L3MBTL4: variants seen among roughly 807,000 people sequenced by gnomAD.
L3MBTL4 encodes the protein lethal(3)malignant brain tumor-like protein 4.
In L3MBTL4, 70 loss-of-function variants were observed where a neutral mutation model predicts 84.5. That is an observed-to-expected ratio of 0.83 (90% CI 0.68 to 1.01). The LOEUF (loss-of-function observed/expected upper bound fraction) is 1.01. Ranked by LOEUF, L3MBTL4 falls within the 50% of genes least tolerant of loss-of-function variation. L3MBTL4 has a pLI of 0.00. For synonymous variants in L3MBTL4, 274 were observed against 259.8 expected (o/e 1.05, Z -0.52); for missense variants, 715 against 754.8 (o/e 0.95, Z 0.62).
At chr18:6,104,030 G>T (rs1429372361) in intron 14 of L3MBTL4, among the ~76,000 whole-genome samples, 3 of 152,162 alleles carry the variant, frequency 2.0e-5, no homozygotes, top group African/African-American at 7.2e-5. Context: ...ATGCATTTCG[G>T]ATCTCAATTC....
At chr18:6,146,842 C>T (rs866510679) in intron 13 of L3MBTL4, among the ~76,000 whole-genome samples, 2 of 152,002 alleles carry the variant, frequency 1.3e-5, no homozygotes, top group African/African-American at 4.8e-5. Flanking sequence ...AGGCCAGTAT[C>T]CCAGTGAGGA....
intron 1 of L3MBTL4, among the ~76,000 whole-genome samples, chr18:6,383,044 A>G (rs1273217890): frequency 2.0e-5 from 3 of 152,140 alleles, no homozygotes; most frequent in African/African-American, 4.8e-5. Context: ...GTCTGGCCAC[A>G]GCGGCCTTGC....
At chr18:6,360,022 C>T (rs1261459277) in intron 1 of L3MBTL4, among the ~76,000 whole-genome samples, 1 of 152,150 alleles carries the variant, frequency 6.6e-6, no homozygotes, top group Non-Finnish European at 1.5e-5. Flanking sequence ...AGGTAATTCT[C>T]TGTTTCATGA....
intron 4 of L3MBTL4, among the ~76,000 whole-genome samples, chr18:6,285,813 T>TATTATTATA (rs1555716266): frequency 7.7e-6 from 1 of 129,374 alleles, no homozygotes; most frequent in Non-Finnish European, 1.6e-5. Context: ...AAAGATATAT[T>TATTATTATA]ATTATTATTA....
At chr18:6,030,257 C>T in intron 16 of L3MBTL4, 2 of 972,522 alleles carry the variant, frequency 2.1e-6, no homozygotes, top group Non-Finnish European at 2.4e-6. Flanking sequence ...GGGAGAGATA[C>T]CCCCTTATAC....
chr18:6,364,326 T>A (rs980503551), intron 1 of L3MBTL4, among the ~76,000 whole-genome samples: 5 of 152,002 alleles, frequency 3.3e-5, no homozygotes, highest in Non-Finnish European at 5.9e-5. Context: ...TAATAAATAT[T>A]CTTAATTTTT....
chr18:6,368,952 G>A (rs1358714626), intron 1 of L3MBTL4, among the ~76,000 whole-genome samples: 5 of 151,558 alleles, frequency 3.3e-5, no homozygotes, highest in Admixed American at 1.3e-4. Context: ...TGAGGTGGGA[G>A]AATCAATTGA....
chr18:6,411,948 G>T (rs1425039057), intron 1 of L3MBTL4, among the ~76,000 whole-genome samples: 1 of 152,106 alleles, frequency 6.6e-6, no homozygotes, highest in Non-Finnish European at 1.5e-5. Flanking sequence ...CATGATATAA[G>T]CATTACTAAA....
rs1280864525 is a variant in L3MBTL4, at chr18:5,958,056, G to GAGA, written c.1678-1672_1678-1670dup. Reference sequence around the variant, plus strand: ...GGAGGAGGAGGAGGAGAAGGAGAAGGAGAAGGAGAAGAAGAAGAAGAAGAA... The same window carrying GAGA: ...GGAGGAGGAGGAGGAGAAGGAGAAGGAGAAGAAGGAGAAGAAGAAGAAGAAGAA... On this transcript the variant is annotated intron_variant, in intron 18 of 18. Transcript: ENST00000317931. Among the ~76,000 whole-genome samples, 1,205 of 130,396 alleles carry GAGA rather than the reference G, an allele frequency of 9.2e-3. 15 individuals carry two copies. The highest frequency in any genetic ancestry group is 0.06 in the East Asian group (247 of 4,092). The allele number at this position is 130,396 out of a possible 152,430, so 85.5% of individuals were successfully genotyped here.
intron 1 of L3MBTL4, among the ~76,000 whole-genome samples, chr18:6,328,616 G>C (rs1030577327): frequency 2.6e-5 from 4 of 152,198 alleles, no homozygotes; most frequent in African/African-American, 9.7e-5. Context: ...AAACTATTTT[G>C]TTGCTAGAAC....
intron 13 of L3MBTL4, among the ~76,000 whole-genome samples, chr18:6,144,047 A>C (rs1375049495): frequency 1.3e-5 from 2 of 151,928 alleles, no homozygotes; most frequent in African/African-American, 4.8e-5. Context: ...AATACAAAGA[A>C]TTGGCTGGGC....
chr18:6,290,558 C>T (rs150020342), intron 4 of L3MBTL4, among the ~76,000 whole-genome samples: 2,858 of 151,530 alleles, frequency 0.019, 95 homozygotes, highest in African/African-American at 0.064. Flanking sequence ...GACAGAGTCT[C>T]GCTCTATCAC....
At chr18:6,141,881 C>T (rs1389197960) in intron 13 of L3MBTL4, among the ~76,000 whole-genome samples, 3 of 152,148 alleles carry the variant, frequency 2.0e-5, no homozygotes, top group African/African-American at 7.2e-5. Flanking sequence ...AGGATGAAAA[C>T]TCGAATTTTT....
intron 13 of L3MBTL4, among the ~76,000 whole-genome samples, chr18:6,153,859 C>T (rs1402510077): frequency 6.6e-6 from 1 of 152,186 alleles, no homozygotes; most frequent in Non-Finnish European, 1.5e-5. Flanking sequence ...TGTAAGTTTC[C>T]TGAGACCTCC....
intron 14 of L3MBTL4, among the ~76,000 whole-genome samples, chr18:6,105,293 C>T (rs1423559285): frequency 6.7e-6 from 1 of 148,856 alleles, no homozygotes; most frequent in Non-Finnish European, 1.5e-5. Flanking sequence ...AGGGTTCAAG[C>T]GATTCTTCTG....
At chr18:5,990,795 G>GTT (rs2053661205) in intron 16 of L3MBTL4, among the ~76,000 whole-genome samples, 1 of 151,998 alleles carries the variant, frequency 6.6e-6, no homozygotes, top group Non-Finnish European at 1.5e-5. Context: ...GTGTGTGTGT[G>GTT]TGTGTGTGTG....
chr18:6,004,561 T>C (rs1358343075), intron 16 of L3MBTL4, among the ~76,000 whole-genome samples: 1 of 152,202 alleles, frequency 6.6e-6, no homozygotes, highest in African/African-American at 2.4e-5. Flanking sequence ...GAATTATCTC[T>C]CTTCACAGAT....
At chr18:6,070,725 C>T (rs1375334606) in intron 16 of L3MBTL4, among the ~76,000 whole-genome samples, 3 of 152,064 alleles carry the variant, frequency 2.0e-5, no homozygotes, top group Non-Finnish European at 4.4e-5. Flanking sequence ...GTAGGCCCAG[C>T]TACTCCAGAG....
chr18:5,999,585 C>T (rs56688367), intron 16 of L3MBTL4, among the ~76,000 whole-genome samples: 40 of 152,290 alleles, frequency 2.6e-4, no homozygotes, highest in African/African-American at 9.4e-4. Flanking sequence ...AGCATTTCTC[C>T]TCATCCTCCT....
Sources: allele counts gnomAD v4.1 joint callset (sites outside exome capture counted in the v4.1 genomes callset), GRCh38; gene constraint gnomAD v4.1.1; transcripts MANE v1.5; gene names NCBI Gene and HGNC (gene_info 2026-07-23, HGNC 2026-07-21).